UBA6: variants seen among roughly 807,000 people sequenced by gnomAD.
UBA6 encodes the protein ubiquitin like modifier activating enzyme 6.
A neutral mutation model predicts 148.3 loss-of-function variants in UBA6; 87 were observed. That is an observed-to-expected ratio of 0.59 (90% CI 0.49 to 0.70). The LOEUF is 0.70. UBA6 is among the 30% of genes least tolerant of loss of function. The pLI is 0.00. For missense variants in UBA6, 1,186 were observed against 1,241.2 expected (o/e 0.96, Z 0.67); for synonymous variants, 376 against 401.0 (o/e 0.94, Z 0.75).
At chr4:67,620,960 C>T (rs1728736754) in intron 32 of UBA6, among the ~76,000 whole-genome samples, 1 of 152,142 alleles carries the variant, frequency 6.6e-6, no homozygotes, top group Non-Finnish European at 1.5e-5. Flanking sequence ...GTGTTCAGTA[C>T]TTAACAGGTA....
At chr4:67,637,508 G>A (rs1175779162) in intron 19 of UBA6, among the ~76,000 whole-genome samples, 3 of 152,166 alleles carry the variant, frequency 2.0e-5, no homozygotes, top group South Asian at 2.1e-4. Context: ...GGAAATGTGG[G>A]GAAAAGATAG....
chr4:67,680,670 C>CT (rs1461123339), intron 4 of UBA6, among the ~76,000 whole-genome samples: 1 of 152,164 alleles, frequency 6.6e-6, no homozygotes, highest in East Asian at 1.9e-4. Context: ...ATGTTTCCTG[C>CT]TTCATAGTAT....
chr4:67,650,001 A>C (rs1729515200), intron 13 of UBA6, among the ~76,000 whole-genome samples: 1 of 152,124 alleles, frequency 6.6e-6, no homozygotes, highest in South Asian at 2.1e-4. Context: ...TCTCAAAAAT[A>C]TTTGTGACAC....
intron 4 of UBA6, 105 bp from the exon 5 acceptor site, chr4:67,678,638 CAATGA>C: frequency 2.0e-6 from 1 of 493,170 alleles, no homozygotes; most frequent in Non-Finnish European, 3.6e-6. Flanking sequence ...TGTAATTAGA[CAATGA>C]AAAGTAAACA....
At chr4:67,694,726 A>G (rs1466470872) in intron 2 of UBA6, among the ~76,000 whole-genome samples, 2 of 152,170 alleles carry the variant, frequency 1.3e-5, no homozygotes, top group African/African-American at 4.8e-5. Context: ...AAGAAAACCT[A>G]TATGTAGTCA....
intron 8 of UBA6, among the ~76,000 whole-genome samples, chr4:67,668,963 A>T (rs1730074669): frequency 6.6e-6 from 1 of 152,218 alleles, no homozygotes; most frequent in Non-Finnish European, 1.5e-5. Flanking sequence ...AAATTCATGT[A>T]ACTTGTAAAA....
chr4:67,663,278 C>A (rs891171042), intron 11 of UBA6, 63 bp from the exon 12 acceptor site: 1 of 1,049,596 alleles, frequency 9.5e-7, no homozygotes, highest in South Asian at 1.4e-5. Context: ...AGGCACTGGG[C>A]TAAATACTTT....
rs1367243989 is a variant in UBA6 at position 67,612,950 on chromosome 4, CA to C, written c.*6046del. Reference sequence around the variant, plus strand: ...CTGTGTTAGGAGTATTTATAGATTGCAAAAGGCCACTGGGAAGTTGAGTAGA... The same window carrying C: ...CTGTGTTAGGAGTATTTATAGATTGCAAAGGCCACTGGGAAGTTGAGTAGA... On this transcript the variant is annotated 3_prime_UTR_variant, in exon 33 of 33. Coordinates refer to ENST00000322244, the MANE Select transcript of UBA6 (RefSeq NM_018227.6). 1 of 152,168 alleles carries C rather than the reference CA, an allele frequency of 6.6e-6. No individual in the cohort carries two copies. Among genetic ancestry groups the C allele is most frequent in the Non-Finnish European group, 1.5e-5 (1 of 68,062 alleles). The allele number at this position is 152,168 out of a possible 1,614,324, so 9.4% of individuals were successfully genotyped here.
intron 20 of UBA6, 41 bp from the exon 21 acceptor site, chr4:67,634,559 A>G (rs967540236): frequency 2.9e-6 from 4 of 1,393,112 alleles, no homozygotes; most frequent in Non-Finnish European, 3.9e-6. Flanking sequence ...AAGGGGAAGC[A>G]ATGACCAATT....
Position 67,644,717 on chromosome 4 carries a change from G to A in UBA6, c.1457C>T (p.Thr486Ile), listed in dbSNP as rs1729382582. Residue 486 changes from threonine (T) to isoleucine (I), a missense_variant, in exon 17 of 33, where the codon ACA (threonine) becomes ATA (isoleucine). By Grantham distance (89) the Thr-to-Ile change is moderately conservative. Transcript: ENST00000322244. ...LKNFALLGVG[T>I]SKEKGMITVT... is the part of the protein sequence containing the mutation. ...TCTTACCATTCCTTTCTCTTTGCTT[G>A]TGCCAACACCAAGTAAAGCAAAATT... is the stretch of plus-strand genomic sequence containing the variant. The A allele has an allele frequency of 6.2e-7, 1 of 1,603,222 alleles. No individual in the cohort carries two copies. The highest frequency in any genetic ancestry group is 8.5e-7 in the Non-Finnish European group (1 of 1,170,464).
intron 13 of UBA6, among the ~76,000 whole-genome samples, chr4:67,661,370 T>A (rs781154266): frequency 2.0e-5 from 3 of 152,170 alleles, no homozygotes; most frequent in Admixed American, 1.3e-4. Flanking sequence ...CAGTGAGTGA[T>A]AGTGAGTGAG....
intron 32 of UBA6, 77 bp from the exon 33 acceptor site, chr4:67,619,209 C>A: frequency 9.1e-7 from 1 of 1,101,462 alleles, no homozygotes; most frequent in Non-Finnish European, 1.3e-6. Context: ...TAATGCCATC[C>A]AGAGAACCTG....
intron 8 of UBA6, among the ~76,000 whole-genome samples, chr4:67,669,927 C>T (rs1367251607): frequency 2.0e-5 from 3 of 151,362 alleles, no homozygotes; most frequent in African/African-American, 7.3e-5. Flanking sequence ...GCAAATGTTG[C>T]TCTATCAAGT....
At chr4:67,696,855 G>T (rs866866414) in intron 1 of UBA6, 148 bp from the exon 2 acceptor site, 4 of 607,648 alleles carry the variant, frequency 6.6e-6, no homozygotes, top group Non-Finnish European at 5.8e-6. Context: ...TTTTTAAATG[G>T]CCTGAAATTA....
intron 4 of UBA6, among the ~76,000 whole-genome samples, chr4:67,679,298 A>G (rs564514233): frequency 3.3e-5 from 5 of 152,144 alleles, no homozygotes; most frequent in African/African-American, 7.2e-5. Flanking sequence ...CAGTAACCTA[A>G]TAAGTGAAGG....
chr4:67,682,278 T>C lies in UBA6; in HGVS notation c.135-65A>G, dbSNP rs374305905. ...CTGAAATTATAATATCTCTTAAAGTTGTTTGCAAACTAAAAGCCTAGGAAC... is the reference window on the plus strand; with the variant it reads ...CTGAAATTATAATATCTCTTAAAGTCGTTTGCAAACTAAAAGCCTAGGAAC... On this transcript the variant is annotated intron_variant, in intron 2 of 32. Transcript: ENST00000322244. 3.1e-6 allele frequency: 4 copies of C among 1,290,416 alleles called. No homozygotes were observed. The South Asian group carries it at 5.1e-5, about 17-fold the overall frequency. 79.9% of individuals were successfully genotyped at this position (1,290,416 alleles called of 1,614,324 possible).
chr4:67,644,891 T>C, intron 16 of UBA6, 113 bp from the exon 17 acceptor site: 1 of 553,556 alleles, frequency 1.8e-6, no homozygotes, highest in Non-Finnish European at 3.3e-6. Flanking sequence ...AAAAAAAAAG[T>C]ATAAACCAAA....
At position 67,677,521 on chromosome 4, in the gene UBA6, AC is replaced by A. The variant is rs1730311140; in HGVS notation, c.465+89del. 1.2e-5 allele frequency: 7 copies of A among 591,430 alleles called. No individual in the cohort carries two copies. The South Asian group carries it at 1.9e-4, about 16-fold the overall frequency. The allele number at this position is 591,430 out of a possible 1,614,324, so 36.6% of individuals were successfully genotyped here. A position where few individuals can be genotyped will look rare whatever the true frequency, so the allele number is the denominator to read the frequency against. On this transcript the variant is annotated intron_variant, in intron 6 of 32. Coordinates refer to ENST00000322244, the MANE Select transcript of UBA6 (RefSeq NM_018227.6). ...AAATTTTTTTGTTCTGTTTCTCAAT[AC>A]ACTAGGTTAAATTAGTTAAACATAT...
At chr4:67,682,072 T>C (rs755420643) in intron 3 of UBA6, 47 bp downstream of exon 3, 3 of 1,392,500 alleles carry the variant, frequency 2.2e-6, no homozygotes, top group Non-Finnish European at 2.0e-6. Context: ...TTAAACTATC[T>C]TCATTGCTCA....
Sources: gnomAD v4.1 joint callset for allele counts (sites outside exome capture counted in the v4.1 genomes callset) on GRCh38, gnomAD v4.1.1 for gene constraint, MANE v1.5 for transcripts, NCBI Gene and HGNC (gene_info 2026-07-23, HGNC 2026-07-21) for gene names.